CCDC169: variants seen among roughly 807,000 people sequenced by gnomAD.
The protein encoded by CCDC169 is coiled-coil domain containing 169.
CCDC169 carries 30 observed loss-of-function variants against 36.0 expected under a neutral mutation model. The ratio of observed to expected loss-of-function variants is 0.83; its 90% confidence interval spans 0.62 to 1.13. The LOEUF is 1.13. Ranked by LOEUF, CCDC169 falls within the 50% of genes most tolerant of loss-of-function variation. CCDC169 has a pLI of 0.00. For synonymous variants in CCDC169, 85 were observed against 81.5 expected, an observed-to-expected ratio of 1.04 and a Z score of -0.23; for missense variants, 245 against 245.9, an observed-to-expected ratio of 1.00 and a Z score of 0.03.
chr13:36,292,590 C>T (rs1307210383), intron 2 of CCDC169, among the ~76,000 whole-genome samples: 1 of 152,146 alleles, frequency 6.6e-6, no homozygotes. Flanking sequence ...TGTTTACCAC[C>T]TGCCTAAAAA....
chr13:36,280,715 GAT>G (rs984782968), intron 4 of CCDC169: 2 of 152,126 alleles, frequency 1.3e-5, no homozygotes, highest in African/African-American at 4.8e-5. Context: ...GTCTACAGTG[GAT>G]ATGTTTGATT....
intron 4 of CCDC169, among the ~76,000 whole-genome samples, chr13:36,254,587 T>C (rs12873123): frequency 5.9e-5 from 9 of 152,056 alleles, no homozygotes; most frequent in Non-Finnish European, 1.5e-5. Flanking sequence ...AATGTGTACT[T>C]TTTAAGTAAT....
At chr13:36,235,358 C>T (rs1238548995) in intron 7 of CCDC169, among the ~76,000 whole-genome samples, 1 of 151,844 alleles carries the variant, frequency 6.6e-6, no homozygotes, top group African/African-American at 2.4e-5. Flanking sequence ...CTTCTTTCTG[C>T]TTATTTGGGG....
intron 2 of CCDC169, among the ~76,000 whole-genome samples, chr13:36,287,473 GC>G (rs1195464950): frequency 6.6e-6 from 1 of 152,130 alleles, no homozygotes; most frequent in East Asian, 1.9e-4. Context: ...AGTTTGTAAT[GC>G]TGTCTCATGG....
At chr13:36,265,525 A>G (rs1307214421) in intron 4 of CCDC169, among the ~76,000 whole-genome samples, 1 of 152,210 alleles carries the variant, frequency 6.6e-6, no homozygotes, top group African/African-American at 2.4e-5. Context: ...GTTTTTCCCC[A>G]TAAGACACCC....
chr13:36,244,599 T>C (rs9546864), intron 7 of CCDC169: 61,563 of 151,824 alleles, frequency 0.41, 13,253 homozygotes, highest in Non-Finnish European at 0.48. Context: ...TTTGTATTCC[T>C]TAGCTATAAA....
At chr13:36,253,934 G>C (rs1165474798) in intron 5 of CCDC169, 78 bp from the exon 6 acceptor site, 2 of 1,537,508 alleles carry the variant, frequency 1.3e-6, no homozygotes, top group African/African-American at 1.4e-5. Context: ...TAAGGTGTAT[G>C]TCTCTATAGT....
chr13:36,277,304 G>A (rs1876948011), intron 4 of CCDC169, among the ~76,000 whole-genome samples: 2 of 152,084 alleles, frequency 1.3e-5, no homozygotes, highest in African/African-American at 4.8e-5. Flanking sequence ...CACACACTGG[G>A]GCCTGTCAGG....
At chr13:36,248,394 G>C (rs917349542) in intron 7 of CCDC169, among the ~76,000 whole-genome samples, 5 of 151,768 alleles carry the variant, frequency 3.3e-5, no homozygotes, top group African/African-American at 9.7e-5. Context: ...TATCGTGCTT[G>C]AGGACCAAAA....
Position 36,283,509 on chromosome 13 carries a change from TC to T in CCDC169, c.275-1del, listed in dbSNP as rs1566087508. On this transcript the variant is annotated splice_acceptor_variant, in intron 3 of 7. Coordinates refer to ENST00000239859, the MANE Select transcript of CCDC169 (RefSeq NM_001144981.3). LOFTEE classifies it high-confidence loss of function. ...ATAGACACGAATAGAAGATAGTCTA[TC>T]TACAATAAATCAAATATGAGCACTT... The T allele has an allele frequency of 6.4e-7, 1 of 1,550,892 alleles. No homozygotes were observed. Among genetic ancestry groups the T allele is most frequent in the Non-Finnish European group, 8.7e-7 (1 of 1,146,440 alleles).
In CCDC169 at chr13:36,283,238, C is replaced by T; in HGVS notation, c.315+231G>A. The T allele has an allele frequency of 5.8e-6, 3 of 512,824 alleles. No homozygotes were observed. The South Asian group carries it at 9.6e-5, about 16-fold the overall frequency. 31.8% of individuals were successfully genotyped at this position (512,824 alleles called of 1,614,324 possible). On this transcript the variant is annotated intron_variant, in intron 4 of 7. Transcript: ENST00000239859. Reference sequence around the variant, plus strand: ...TGAAGGTTGGCGGTGATTCAAAAAGCAATATCTATACATGCTCTGCTCTTC... The same window carrying T: ...TGAAGGTTGGCGGTGATTCAAAAAGTAATATCTATACATGCTCTGCTCTTC...
chr13:36,292,040 G>A (rs1436075114), intron 2 of CCDC169, among the ~76,000 whole-genome samples: 1 of 149,292 alleles, frequency 6.7e-6, no homozygotes, highest in East Asian at 2.0e-4. Context: ...CCAGGCTGGA[G>A]TGCAATGGTG....
intron 2 of CCDC169, among the ~76,000 whole-genome samples, chr13:36,292,489 T>C (rs1423840274): frequency 6.6e-6 from 1 of 152,190 alleles, no homozygotes; most frequent in East Asian, 1.9e-4. Flanking sequence ...AATTAAAACA[T>C]AAAACCAAAT....
At chr13:36,283,804 A>C in intron 2 of CCDC169, 102 bp from the exon 3 acceptor site, 1 of 885,712 alleles carries the variant, frequency 1.1e-6, no homozygotes, top group Non-Finnish European at 1.7e-6. Context: ...ACTATATTTG[A>C]CTTTATTGGC....
intron 7 of CCDC169, among the ~76,000 whole-genome samples, chr13:36,236,135 A>G (rs985173680): frequency 6.6e-6 from 1 of 152,036 alleles, no homozygotes; most frequent in African/African-American, 2.4e-5. Flanking sequence ...ATATTTTGTG[A>G]AGAAATTGAC....
Position 36,231,115 on chromosome 13 carries a change from G to T in CCDC169, c.*78C>A. On this transcript the variant is annotated 3_prime_UTR_variant, in exon 8 of 8. Coordinates refer to ENST00000239859, the MANE Select transcript of CCDC169 (RefSeq NM_001144981.3). ...TCTATTTTATTCCCTGAAGAAATGT[G>T]CTGACCATTAACTTTATAACTTGAA... 1 of 1,491,744 alleles carries T rather than the reference G, an allele frequency of 6.7e-7. No individual in the cohort carries two copies. The highest frequency in any genetic ancestry group is 1.4e-5 in the African/African-American group (1 of 70,608). The allele number at this position is 1,491,744 out of a possible 1,614,324, so 92.4% of individuals were successfully genotyped here.
chr13:36,273,206 G>A (rs1287398744), intron 4 of CCDC169, among the ~76,000 whole-genome samples: 1 of 152,122 alleles, frequency 6.6e-6, no homozygotes, highest in Non-Finnish European at 1.5e-5. Flanking sequence ...AAATGTAAAA[G>A]TAGGCCCCTG....
chr13:36,297,484 C>T (rs899281695), intron 1 of CCDC169, among the ~76,000 whole-genome samples, 153 bp downstream of exon 1: 1 of 152,270 alleles, frequency 6.6e-6, no homozygotes, highest in South Asian at 2.1e-4. Flanking sequence ...GAATCTTTCG[C>T]ATGGAATACT....
chr13:36,234,174 T>C (rs560097281), intron 7 of CCDC169, among the ~76,000 whole-genome samples: 6 of 152,174 alleles, frequency 3.9e-5, no homozygotes, highest in Non-Finnish European at 7.4e-5. Flanking sequence ...CTATAACTCA[T>C]TGGGAAGTTG....
Sources: gnomAD v4.1 joint callset for allele counts (sites outside exome capture counted in the v4.1 genomes callset) on GRCh38, gnomAD v4.1.1 for gene constraint, MANE v1.5 for transcripts, NCBI Gene and HGNC (gene_info 2026-07-23, HGNC 2026-07-21) for gene names.